Variants in DNAJC7 observed in about 807,000 individuals in gnomAD.
DNAJC7 encodes the protein DnaJ heat shock protein family (Hsp40) member C7, also known as dnaJ homolog subfamily C member 7.
In DNAJC7, 18 loss-of-function variants were observed where a neutral mutation model predicts 67.4. The ratio of observed to expected loss-of-function variants is 0.27; its 90% CI spans 0.18 to 0.40. The LOEUF (loss-of-function observed/expected upper bound fraction) is 0.40, where lower values mean the gene tolerates loss of function less well. Ranked by LOEUF, DNAJC7 falls within the 10% of genes least tolerant of loss-of-function variation. DNAJC7 has a pLI of 1.00. For synonymous variants in DNAJC7, 220 were observed against 207.8 expected, an observed-to-expected ratio of 1.06 and a Z score of -0.50; for missense variants, 419 against 613.8, an observed-to-expected ratio of 0.68 and a Z score of 3.35.
intron 1 of DNAJC7, among the ~76,000 whole-genome samples, chr17:42,012,312 G>A (rs1041367763): frequency 3.3e-5 from 5 of 152,116 alleles, no homozygotes; most frequent in African/African-American, 1.2e-4. Flanking sequence ...GTAAAACTCC[G>A]TCTCTATTAA....
chr17:42,015,867 T>TA (rs2052263859), intron 1 of DNAJC7: 1 of 151,956 alleles, frequency 6.6e-6, no homozygotes, highest in Admixed American at 6.6e-5. Flanking sequence ...AAATAAAAAA[T>TA]AAATAACCTG....
At chr17:42,014,299 C>G (rs1206870811) in intron 1 of DNAJC7, 1 of 151,038 alleles carries the variant, frequency 6.6e-6, no homozygotes, top group Non-Finnish European at 1.5e-5. Flanking sequence ...TCCCGAGTAG[C>G]TGGGATTACA....
intron 2 of DNAJC7, among the ~76,000 whole-genome samples, chr17:41,999,967 C>T (rs923632302): frequency 3.2e-4 from 46 of 145,090 alleles, no homozygotes; most frequent in Middle Eastern, 3.9e-3. Context: ...TACAGGTGCC[C>T]GCCACCAGGC....
At chr17:41,982,599 G>A (rs2051278241) in intron 10 of DNAJC7, among the ~76,000 whole-genome samples, 198 bp from the exon 11 acceptor site, 1 of 152,138 alleles carries the variant, frequency 6.6e-6, no homozygotes, top group Admixed American at 6.5e-5. Flanking sequence ...CACTTTGGGA[G>A]GCCTGCATCA....
chr17:41,983,777 A>G (rs1008765203), intron 9 of DNAJC7, 141 bp from the exon 10 acceptor site: 23 of 622,546 alleles, frequency 3.7e-5, no homozygotes, highest in Non-Finnish European at 5.5e-5. Flanking sequence ...CCCTTAATCT[A>G]GCAGTGAGAG....
At position 41,992,164 on chromosome 17, in the gene DNAJC7, CT is replaced by C. The variant is rs547495578; in HGVS notation, c.481-1783del. On this transcript the variant is annotated intron_variant, in intron 5 of 13. Coordinates refer to ENST00000457167, the MANE Select transcript of DNAJC7 (RefSeq NM_003315.4). ...ACAGGTTTACTGTCCTGAAAGTTTTCTGTTTTTTTGTTTTTTGTTTTTTTTG... is the reference window on the plus strand; with the variant it reads ...ACAGGTTTACTGTCCTGAAAGTTTTCGTTTTTTTGTTTTTTGTTTTTTTTG... Among the ~76,000 whole-genome samples the C allele has an allele frequency of 1.8e-4, 28 of 152,066 alleles. 1 individual carries two copies. Among genetic ancestry groups the C allele is most frequent in the Admixed American group, 1.8e-3 (28 of 15,266 alleles).
At chr17:42,005,217 C>T (rs1007880178) in intron 1 of DNAJC7, among the ~76,000 whole-genome samples, 1 of 152,214 alleles carries the variant, frequency 6.6e-6, no homozygotes, top group Admixed American at 6.5e-5. Context: ...TCACACAGGT[C>T]TTAGCAGGGC....
At chr17:42,010,221 C>T (rs781802100) in intron 1 of DNAJC7, among the ~76,000 whole-genome samples, 28 of 151,540 alleles carry the variant, frequency 1.8e-4, no homozygotes, top group Admixed American at 4.6e-4. Flanking sequence ...CAGTGGCTCA[C>T]GCCTATAATC....
chr17:42,013,628 G>C (rs1451186484), intron 1 of DNAJC7: 1 of 152,266 alleles, frequency 6.6e-6, no homozygotes, highest in Non-Finnish European at 1.5e-5. Flanking sequence ...AAGGGCATTT[G>C]TAAGGGATGC....
intron 6 of DNAJC7, 41 bp from the exon 7 acceptor site, chr17:41,989,598 A>C (rs1555647428): frequency 6.2e-7 from 1 of 1,605,304 alleles, no homozygotes; most frequent in Admixed American, 1.7e-5. Context: ...TGTGCTTTAG[A>C]ATGTCCCCAC....
chr17:42,011,226 C>G (rs1175711165), intron 1 of DNAJC7: 1 of 152,174 alleles, frequency 6.6e-6, no homozygotes, highest in Non-Finnish European at 1.5e-5. Context: ...AACAAAAAAG[C>G]AAGTGCCCAG....
chr17:41,982,838 T>TA (rs2051284655), intron 10 of DNAJC7, among the ~76,000 whole-genome samples: 1 of 151,846 alleles, frequency 6.6e-6, no homozygotes. Flanking sequence ...CATGTGCCTG[T>TA]AATCCCAGTT....
At chr17:41,979,410 G>C (rs138766278) in intron 12 of DNAJC7, among the ~76,000 whole-genome samples, 1,627 of 151,976 alleles carry the variant, frequency 0.011, 13 homozygotes, top group Admixed American at 0.018. Context: ...AGTGGCTCAC[G>C]CCTGTAATCC....
chr17:42,005,907 A>AT (rs754072660), intron 1 of DNAJC7, among the ~76,000 whole-genome samples: 132 of 142,158 alleles, frequency 9.3e-4, no homozygotes, highest in East Asian at 3.4e-3. Context: ...TGCCTGGCCA[A>AT]TTTTTTTTTG....
Position 41,982,178 on chromosome 17 carries a change from C to A in DNAJC7, c.1231+77G>T, listed in dbSNP as rs112478675. The A allele has an allele frequency of 2.1e-4, 330 of 1,579,776 alleles. No individual in the cohort carries two copies. The African/African-American group carries it at 4.0e-3, about 19-fold the overall frequency. ...CAGCTGAAGGACCTCTCCAAGGGGT[C>A]CCCTCTGGACTGAGTGTGGCAGTTG... On this transcript the variant is annotated intron_variant, in intron 11 of 13. Transcript: ENST00000457167.
At chr17:42,008,307 C>T (rs2052023692) in intron 1 of DNAJC7, among the ~76,000 whole-genome samples, 2 of 145,162 alleles carry the variant, frequency 1.4e-5, no homozygotes, top group Admixed American at 6.9e-5. Context: ...GAGACTCCGT[C>T]TCAAAAAAGA....
At chr17:42,012,543 T>C (rs1040739325) in intron 1 of DNAJC7, among the ~76,000 whole-genome samples, 1 of 152,178 alleles carries the variant, frequency 6.6e-6, no homozygotes, top group South Asian at 2.1e-4. Flanking sequence ...CCTATAGAGA[T>C]CAAGCTGTTT....
chr17:42,008,304 C>T (rs1339449402), intron 1 of DNAJC7, among the ~76,000 whole-genome samples: 19 of 147,086 alleles, frequency 1.3e-4, no homozygotes, highest in African/African-American at 3.0e-4. Context: ...AGTGAGACTC[C>T]GTCTCAAAAA....
chr17:41,980,089 C>T (rs1237568550), intron 12 of DNAJC7, among the ~76,000 whole-genome samples: 3 of 144,554 alleles, frequency 2.1e-5, no homozygotes, highest in African/African-American at 5.2e-5. Context: ...CTTGCTCTGT[C>T]GCCAGGCTGG....
Sources: allele counts gnomAD v4.1 joint callset (sites outside exome capture counted in the v4.1 genomes callset), GRCh38; gene constraint gnomAD v4.1.1; transcripts MANE v1.5; gene names NCBI Gene and HGNC (gene_info 2026-07-23, HGNC 2026-07-21).